Variants in DPP10 observed in about 807,000 individuals in gnomAD.
DPP10 encodes the protein dipeptidyl peptidase like 10.
Under a neutral mutation model 120.9 loss-of-function variants are expected in DPP10, and 33 were observed. That is an observed-to-expected ratio of 0.27 (90% CI 0.21 to 0.37). DPP10 has a LOEUF of 0.37. Ranked by LOEUF, DPP10 falls within the 10% of genes least tolerant of loss-of-function variation. The pLI is 1.00. For missense variants in DPP10, 816 were observed against 942.8 expected, an observed-to-expected ratio of 0.87 and a Z score of 1.76; for synonymous variants, 337 against 326.1, an observed-to-expected ratio of 1.03 and a Z score of -0.36.
intron 3 of DPP10, among the ~76,000 whole-genome samples, chr2:115,397,722 TC>T (rs764391314): frequency 5.9e-5 from 9 of 152,218 alleles, no homozygotes; most frequent in Non-Finnish European, 1.3e-4. Flanking sequence ...CCTAGCATTT[TC>T]TTCCTGTGCT....
chr2:115,786,059 G>T (rs1208979443), intron 17 of DPP10, among the ~76,000 whole-genome samples: 3 of 152,048 alleles, frequency 2.0e-5, no homozygotes, highest in African/African-American at 7.2e-5. Flanking sequence ...TATAATAGGG[G>T]AAGATATTTA....
At chr2:114,678,300 G>A (rs548711361) in intron 1 of DPP10, among the ~76,000 whole-genome samples, 87 of 152,158 alleles carry the variant, frequency 5.7e-4, no homozygotes, top group Non-Finnish European at 7.8e-4. Flanking sequence ...AAATATCTGA[G>A]TGGTTGTTTC....
intron 1 of DPP10, among the ~76,000 whole-genome samples, chr2:114,745,114 T>C (rs2106005895): frequency 6.6e-6 from 1 of 152,358 alleles, no homozygotes; most frequent in Middle Eastern, 3.4e-3. Context: ...TGCTGATCCC[T>C]GATCAAGAAT....
intron 1 of DPP10, among the ~76,000 whole-genome samples, chr2:114,967,683 C>T (rs1699129104): frequency 6.6e-6 from 1 of 152,148 alleles, no homozygotes; most frequent in African/African-American, 2.4e-5. Context: ...GGTATGTTTT[C>T]AAAGCTGCTT....
intron 1 of DPP10, among the ~76,000 whole-genome samples, chr2:114,789,541 G>A (rs1478079879): frequency 6.6e-6 from 1 of 152,098 alleles, no homozygotes; most frequent in East Asian, 1.9e-4. Flanking sequence ...TACACCCCAG[G>A]CCTGCTAATT....
intron 1 of DPP10, among the ~76,000 whole-genome samples, chr2:115,011,233 A>G (rs1702241310): frequency 1.3e-5 from 2 of 152,178 alleles, no homozygotes; most frequent in South Asian, 4.1e-4. Flanking sequence ...GGGTGCCCTT[A>G]AAAATAGTGT....
intron 1 of DPP10, among the ~76,000 whole-genome samples, chr2:114,461,134 A>G (rs1469427702): frequency 6.6e-6 from 1 of 152,226 alleles, no homozygotes; most frequent in Non-Finnish European, 1.5e-5. Context: ...TTGTAACATA[A>G]AGAGTTTATT....
chr2:114,622,406 CTTT>C (rs11358430), intron 1 of DPP10, among the ~76,000 whole-genome samples: 6 of 143,276 alleles, frequency 4.2e-5, no homozygotes, highest in Non-Finnish European at 4.6e-5. Context: ...ATCCATCTAT[CTTT>C]TTTTTTTTTT....
At chr2:115,783,326 G>C (rs1682981461) in intron 17 of DPP10, among the ~76,000 whole-genome samples, 1 of 152,098 alleles carries the variant, frequency 6.6e-6, no homozygotes, top group African/African-American at 2.4e-5. Context: ...GAGACAGTCT[G>C]ACTCGAGAAT....
intron 1 of DPP10, among the ~76,000 whole-genome samples, chr2:115,253,483 C>T (rs1013328375): frequency 6.6e-6 from 1 of 152,076 alleles, no homozygotes; most frequent in African/African-American, 2.4e-5. Context: ...AAGGTGAGTC[C>T]CTTACACCTA....
intron 5 of DPP10, among the ~76,000 whole-genome samples, chr2:115,673,071 G>A (rs1376810891): frequency 1.3e-5 from 2 of 152,030 alleles, no homozygotes; most frequent in African/African-American, 2.4e-5. Flanking sequence ...ATTTTAAAAA[G>A]TAGTTATGCA....
intron 1 of DPP10, among the ~76,000 whole-genome samples, chr2:114,623,069 T>C (rs540267197): frequency 3.7e-4 from 56 of 152,078 alleles, no homozygotes; most frequent in African/African-American, 1.3e-3. Context: ...TAAAGTGAAG[T>C]AGAGGTGTTA....
intron 5 of DPP10, among the ~76,000 whole-genome samples, chr2:115,681,654 G>A (rs928037707): frequency 1.3e-5 from 2 of 151,424 alleles, no homozygotes; most frequent in African/African-American, 4.8e-5. Flanking sequence ...CCCTTGATGA[G>A]TGAATTGTGG....
At chr2:114,692,811 A>G (rs189563181) in intron 1 of DPP10, among the ~76,000 whole-genome samples, 249 of 152,196 alleles carry the variant, frequency 1.6e-3, no homozygotes, top group African/African-American at 5.4e-3. Flanking sequence ...TTCTTGCTTA[A>G]TTGAACCCTT....
At chr2:115,360,809 G>C (rs1464450506) in intron 3 of DPP10, among the ~76,000 whole-genome samples, 1 of 152,220 alleles carries the variant, frequency 6.6e-6, no homozygotes, top group African/African-American at 2.4e-5. Flanking sequence ...GAGTCAGAGA[G>C]GGTTGTGGGG....
At chr2:114,506,068 C>T (rs995352659) in intron 1 of DPP10, among the ~76,000 whole-genome samples, 5 of 152,208 alleles carry the variant, frequency 3.3e-5, no homozygotes, top group East Asian at 1.9e-4. Context: ...GGCAGGTCCC[C>T]GGCAAGGGCC....
chr2:115,466,309 T>C (rs2074322846), intron 3 of DPP10, among the ~76,000 whole-genome samples: 2 of 152,286 alleles, frequency 1.3e-5, no homozygotes, highest in South Asian at 4.1e-4. Flanking sequence ...ACAGATCCCA[T>C]AATTTGGAGC....
chr2:115,643,314 T>C (rs1156305172), intron 5 of DPP10, among the ~76,000 whole-genome samples: 2 of 152,208 alleles, frequency 1.3e-5, no homozygotes, highest in African/African-American at 2.4e-5. Flanking sequence ...TGACATTGGC[T>C]ACTTCGGCTG....
intron 1 of DPP10, among the ~76,000 whole-genome samples, chr2:114,551,100 A>G (rs1419021003): frequency 6.6e-6 from 1 of 151,930 alleles, no homozygotes; most frequent in Non-Finnish European, 1.5e-5. Flanking sequence ...CACTACACTC[A>G]TTTTTTTCTA....
Sources: allele counts gnomAD v4.1 joint callset (sites outside exome capture counted in the v4.1 genomes callset), GRCh38; gene constraint gnomAD v4.1.1; transcripts MANE v1.5; gene names NCBI Gene and HGNC (gene_info 2026-07-23, HGNC 2026-07-21).